PAK1: variants seen among roughly 807,000 people sequenced by gnomAD.
The protein encoded by PAK1 is serine/threonine-protein kinase PAK 1.
Under a neutral mutation model 67.4 loss-of-function variants are expected in PAK1, and 29 were observed. That is an observed-to-expected ratio of 0.43 (90% CI 0.32 to 0.59). The LOEUF (loss-of-function observed/expected upper bound fraction) is 0.59, where lower values mean the gene tolerates loss of function less well. Ranked by LOEUF, PAK1 falls within the 20% of genes least tolerant of loss-of-function variation. The probability of loss-of-function intolerance (pLI) is 0.07; values close to 1 mark genes in which losing one functional copy is unlikely to be tolerated. For synonymous variants in PAK1, 223 were observed against 237.4 expected (o/e 0.94, Z 0.56); for missense variants, 337 against 670.7 (o/e 0.50, Z 5.50).
chr11:77,413,637 C>T (rs191914876), intron 1 of PAK1, among the ~76,000 whole-genome samples: 1 of 151,536 alleles, frequency 6.6e-6, no homozygotes, highest in African/African-American at 2.4e-5. Flanking sequence ...GAGCTGAGAT[C>T]GCACCACTGG....
the PAK1 span, among the ~76,000 whole-genome samples, chr11:77,523,420 CTTTTT>C: frequency 7.1e-6 from 1 of 140,324 alleles, no homozygotes; most frequent in African/African-American, 2.6e-5. Flanking sequence ...ATGCTTTCTA[CTTTTT>C]TTTTTTTTTT....
chr11:77,335,831 A>G (rs1942601351), intron 13 of PAK1, among the ~76,000 whole-genome samples: 1 of 152,172 alleles, frequency 6.6e-6, no homozygotes, highest in African/African-American at 2.4e-5. Context: ...ATCTGTTACT[A>G]CATATTAATT....
rs188361639 is a variant in PAK1, at chr11:77,406,056, G to A, written c.-21-13515C>T. Among the ~76,000 whole-genome samples the A allele has an allele frequency of 2.1e-3, 327 of 152,122 alleles. 3 individuals are homozygous for A. The highest frequency in any genetic ancestry group is 7.9e-4 in the Non-Finnish European group (54 of 68,008). On this transcript the variant is annotated intron_variant, in intron 1 of 14. Coordinates refer to ENST00000356341, the MANE Select transcript of PAK1 (RefSeq NM_002576.5). ...CCATCTTTCTGTCTACTCCTACCTC[G>A]TTTGCAGAATCCTCCTTCTCCAGCT...
At chr11:77,439,288 AC>A (rs1331129664) in intron 1 of PAK1, among the ~76,000 whole-genome samples, 5 of 152,146 alleles carry the variant, frequency 3.3e-5, no homozygotes, top group African/African-American at 1.2e-4. Flanking sequence ...GGCTTTTAAA[AC>A]CAAAAAGCCA....
the PAK1 span, among the ~76,000 whole-genome samples, chr11:77,489,913 G>A: frequency 3.4e-4 from 52 of 151,208 alleles, no homozygotes; most frequent in African/African-American, 1.1e-3. Flanking sequence ...GCCGCCTATC[G>A]TCTGGGATGT....
intron 1 of PAK1, among the ~76,000 whole-genome samples, chr11:77,450,244 T>A (rs1267185218): frequency 6.6e-6 from 1 of 152,164 alleles, no homozygotes; most frequent in Non-Finnish European, 1.5e-5. Context: ...ATCCCAGCAT[T>A]ATGTTTTCTC....
At chr11:77,522,603 C>T in the PAK1 span, among the ~76,000 whole-genome samples, 5 of 152,284 alleles carry the variant, frequency 3.3e-5, no homozygotes, top group East Asian at 7.7e-4. Context: ...AAAGGAAATG[C>T]TTATACACTG....
chr11:77,458,765 G>A (rs760383227), intron 1 of PAK1, among the ~76,000 whole-genome samples: 6 of 152,178 alleles, frequency 3.9e-5, no homozygotes, highest in Non-Finnish European at 8.8e-5. Context: ...AGGACGGAGA[G>A]AGTACTACGA....
At chr11:77,423,406 C>T (rs1955384352) in intron 1 of PAK1, among the ~76,000 whole-genome samples, 1 of 110,800 alleles carries the variant, frequency 9.0e-6, no homozygotes, top group South Asian at 2.6e-4. Flanking sequence ...TTCAAATACA[C>T]ACACACACAC....
intron 13 of PAK1, among the ~76,000 whole-genome samples, chr11:77,333,077 G>A (rs1941987712): frequency 6.6e-6 from 1 of 152,046 alleles, no homozygotes; most frequent in Non-Finnish European, 1.5e-5. Context: ...CTGTAAAGTA[G>A]GGATGATGAT....
At chr11:77,470,231 T>C (rs966866451) in intron 1 of PAK1, among the ~76,000 whole-genome samples, 1 of 152,218 alleles carries the variant, frequency 6.6e-6, no homozygotes, top group Non-Finnish European at 1.5e-5. Context: ...ACAAAGCCCA[T>C]GACCTCTTAA....
At chr11:77,511,017 G>A in the PAK1 span, among the ~76,000 whole-genome samples, 486 of 152,268 alleles carry the variant, frequency 3.2e-3, 3 homozygotes, top group African/African-American at 0.011. Flanking sequence ...CTTCTGTGTG[G>A]GAAGGTAGGT....
intron 1 of PAK1, among the ~76,000 whole-genome samples, chr11:77,409,233 T>C (rs1954127196): frequency 1.3e-5 from 2 of 151,972 alleles, no homozygotes; most frequent in South Asian, 2.1e-4. Flanking sequence ...ATCGTACCAT[T>C]GCACTCCAGC....
At chr11:77,491,416 C>G in the PAK1 span, among the ~76,000 whole-genome samples, 1 of 151,926 alleles carries the variant, frequency 6.6e-6, no homozygotes. Context: ...GTAATCCCAG[C>G]AATTTGGGAG....
At chr11:77,407,715 C>T (rs769289896) in intron 1 of PAK1, among the ~76,000 whole-genome samples, 2 of 152,150 alleles carry the variant, frequency 1.3e-5, no homozygotes, top group Non-Finnish European at 2.9e-5. Flanking sequence ...ACTCTGCAAC[C>T]CGCCAGAAAT....
At chr11:77,481,999 T>C in the PAK1 span, among the ~76,000 whole-genome samples, 14 of 151,988 alleles carry the variant, frequency 9.2e-5, no homozygotes, top group African/African-American at 3.4e-4. Flanking sequence ...TTTTGCTTCT[T>C]TTTTTTTGAG....
At chr11:77,483,197 C>CAAAA in the PAK1 span, among the ~76,000 whole-genome samples, 1 of 102,166 alleles carries the variant, frequency 9.8e-6, no homozygotes, top group South Asian at 2.9e-4. Flanking sequence ...GACTCCATCT[C>CAAAA]AAAAAAAAAA....
chr11:77,411,532 C>G (rs575181371), intron 1 of PAK1, among the ~76,000 whole-genome samples: 2 of 152,014 alleles, frequency 1.3e-5, no homozygotes, highest in Non-Finnish European at 2.9e-5. Context: ...CCCAAAGGCG[C>G]AGCTTCCCCT....
the PAK1 span, among the ~76,000 whole-genome samples, chr11:77,505,093 A>G: frequency 6.6e-6 from 1 of 152,214 alleles, no homozygotes; most frequent in African/African-American, 2.4e-5. Context: ...TAAAATATAC[A>G]TCATGTAAAA....
Sources: allele counts gnomAD v4.1 joint callset (sites outside exome capture counted in the v4.1 genomes callset), GRCh38; gene constraint gnomAD v4.1.1; transcripts MANE v1.5; gene names NCBI Gene and HGNC (gene_info 2026-07-23, HGNC 2026-07-21).